AGBL1: variants seen among roughly 807,000 people sequenced by gnomAD.
The protein encoded by AGBL1 is cytosolic carboxypeptidase 4.
Under a neutral mutation model 118.9 loss-of-function variants are expected in AGBL1, and 130 were observed. The ratio of observed to expected loss-of-function variants is 1.09; its 90% confidence interval spans 0.95 to 1.26. AGBL1 has a LOEUF of 1.26. Among genes scored for constraint, AGBL1 ranks in the 50% most tolerant of loss-of-function variants. AGBL1 has a pLI of 0.00. For missense variants in AGBL1, 1,584 were observed against 1,298.1 expected (o/e 1.22, Z -3.38); for synonymous variants, 555 against 478.9 (o/e 1.16, Z -2.08).
intron 6 of AGBL1, among the ~76,000 whole-genome samples, chr15:86,246,821 C>A (rs1385783455): frequency 6.6e-6 from 1 of 152,124 alleles, no homozygotes; most frequent in African/African-American, 2.4e-5. Context: ...GACATGGCAG[C>A]CTTACAGGTA....
At chr15:86,421,453 A>G (rs2081788440) in intron 18 of AGBL1, among the ~76,000 whole-genome samples, 1 of 152,244 alleles carries the variant, frequency 6.6e-6, no homozygotes, top group Admixed American at 6.5e-5. Context: ...TTCTGAAGGA[A>G]GTACTAAATA....
intron 7 of AGBL1, among the ~76,000 whole-genome samples, chr15:86,255,135 C>T (rs1172886219): frequency 3.9e-5 from 6 of 152,128 alleles, no homozygotes; most frequent in African/African-American, 7.2e-5. Flanking sequence ...GACTGAATTC[C>T]CTGGCTTGGG....
At chr15:86,707,976 T>C (rs2086482903) in intron 22 of AGBL1, among the ~76,000 whole-genome samples, 1 of 152,174 alleles carries the variant, frequency 6.6e-6, no homozygotes, top group Non-Finnish European at 1.5e-5. Flanking sequence ...TTCTTTTAGC[T>C]ACTCAGTCTC....
At chr15:86,306,095 A>G (rs1384017752) in intron 17 of AGBL1, among the ~76,000 whole-genome samples, 1 of 152,170 alleles carries the variant, frequency 6.6e-6, no homozygotes, top group African/African-American at 2.4e-5. Context: ...CAGGCACACA[A>G]TGTGAAATAA....
chr15:86,737,056 A>T (rs1008321183), intron 22 of AGBL1, among the ~76,000 whole-genome samples: 2 of 152,288 alleles, frequency 1.3e-5, no homozygotes, highest in South Asian at 2.1e-4. Context: ...GCTGAATGCT[A>T]TGTGTAGAAG....
At chr15:86,249,565 T>A (rs1172373371) in intron 7 of AGBL1, among the ~76,000 whole-genome samples, 8 of 152,154 alleles carry the variant, frequency 5.3e-5, no homozygotes, top group African/African-American at 1.9e-4. Flanking sequence ...GGCTTTGAAT[T>A]TTTCCAAGCT....
At chr15:86,201,822 T>G (rs2077911665) in intron 5 of AGBL1, among the ~76,000 whole-genome samples, 1 of 152,208 alleles carries the variant, frequency 6.6e-6, no homozygotes, top group Non-Finnish European at 1.5e-5. Context: ...GCTACTTCAG[T>G]AGGCCGCACG....
rs184163354 is a variant in AGBL1, at chr15:86,946,627, C to T, written c.3222-41360C>T. Among the ~76,000 whole-genome samples the T allele has an allele frequency of 3.5e-3, 530 of 151,900 alleles. 2 individuals are homozygous for T. The highest frequency in any genetic ancestry group is 6.0e-3 in the Non-Finnish European group (410 of 67,942). ...CTTTGGGAGGCCGAGGCAGGTGGAT[C>T]GCCTGAGGTTGGGAGTTCGAGACCA... On this transcript the variant is annotated intron_variant, in intron 23 of 24. Coordinates refer to the AGBL1 transcript ENST00000441037.
At chr15:86,952,148 T>A (rs2080886410) in intron 23 of AGBL1, among the ~76,000 whole-genome samples, 1 of 151,640 alleles carries the variant, frequency 6.6e-6, no homozygotes, top group African/African-American at 2.4e-5. Context: ...GGAGAATCAC[T>A]TGAAAGCAGC....
chr15:86,545,766 T>C (rs1461909408), intron 19 of AGBL1, among the ~76,000 whole-genome samples: 1 of 152,178 alleles, frequency 6.6e-6, no homozygotes, highest in Non-Finnish European at 1.5e-5. Flanking sequence ...TATTCACTCC[T>C]AAGACCCTTA....
At chr15:86,109,728 T>C (rs969093558) in intron 1 of AGBL1, 10 of 152,346 alleles carry the variant, frequency 6.6e-5, no homozygotes, top group African/African-American at 2.4e-4. Context: ...TAAAGCAGAT[T>C]CCAGCTCTGT....
intron 22 of AGBL1, among the ~76,000 whole-genome samples, chr15:86,731,736 C>A (rs921396171): frequency 2.6e-5 from 4 of 152,188 alleles, no homozygotes; most frequent in Non-Finnish European, 2.9e-5. Context: ...AGTCACTGAC[C>A]TAAGATAACA....
At chr15:86,452,161 T>C (rs1033666487) in intron 18 of AGBL1, among the ~76,000 whole-genome samples, 2 of 152,198 alleles carry the variant, frequency 1.3e-5, no homozygotes, top group African/African-American at 2.4e-5. Context: ...CTAACATTCC[T>C]GGAATTCTTC....
At chr15:87,009,872 C>T (rs899292026) in intron 24 of AGBL1, among the ~76,000 whole-genome samples, 3 of 152,190 alleles carry the variant, frequency 2.0e-5, no homozygotes, top group Non-Finnish European at 2.9e-5. Context: ...TTGAAATGGC[C>T]GTATTTACCC....
intron 22 of AGBL1, among the ~76,000 whole-genome samples, chr15:86,788,198 CT>C (rs1567174435): frequency 2.0e-5 from 3 of 152,292 alleles, no homozygotes; most frequent in Admixed American, 2.0e-4. Context: ...GACTTAGATG[CT>C]TTCTTTGGTC....
intron 6 of AGBL1, among the ~76,000 whole-genome samples, chr15:86,233,497 C>T (rs949228398): frequency 6.6e-6 from 1 of 152,078 alleles, no homozygotes; most frequent in Non-Finnish European, 1.5e-5. Context: ...CTTTGCCCCT[C>T]CCTTTCCTTG....
chr15:86,504,727 G>A (rs60144759), intron 18 of AGBL1, among the ~76,000 whole-genome samples: 7,123 of 151,320 alleles, frequency 0.047, 592 homozygotes, highest in African/African-American at 0.16. Flanking sequence ...TATAAAATAC[G>A]TCTTCATATA....
intron 22 of AGBL1, among the ~76,000 whole-genome samples, chr15:86,870,802 C>G (rs1353093147): frequency 6.6e-6 from 1 of 152,144 alleles, no homozygotes; most frequent in Non-Finnish European, 1.5e-5. Context: ...GGGGATACAT[C>G]ATATGTACTG....
intron 18 of AGBL1, among the ~76,000 whole-genome samples, chr15:86,513,786 A>G (rs558808045): frequency 1.4e-4 from 22 of 152,150 alleles, no homozygotes; most frequent in African/African-American, 5.1e-4. Context: ...TGAATATTTA[A>G]TTTATTCTAT....
Sources: allele counts gnomAD v4.1 joint callset (sites outside exome capture counted in the v4.1 genomes callset), GRCh38; gene constraint gnomAD v4.1.1; transcripts MANE v1.5; gene names NCBI Gene and HGNC (gene_info 2026-07-23, HGNC 2026-07-21).